The following LY75 variants were observed in gnomAD, a reference collection of about 807,000 sequenced individuals.
LY75 encodes lymphocyte antigen 75.
In LY75, 185 loss-of-function variants were observed where a neutral mutation model predicts 231.7. That is an observed-to-expected ratio of 0.80 (90% CI 0.71 to 0.90). The LOEUF (loss-of-function observed/expected upper bound fraction) is 0.90, where lower values mean the gene tolerates loss of function less well. Ranked by LOEUF, LY75 falls within the 40% of genes least tolerant of loss-of-function variation. The pLI, the probability that LY75 is intolerant of heterozygous loss-of-function variation, is 0.00. For synonymous variants in LY75, 668 were observed against 689.0 expected, an observed-to-expected ratio of 0.97 and a Z score of 0.48; for missense variants, 1,947 against 2,050.2, an observed-to-expected ratio of 0.95 and a Z score of 0.97.
At chr2:159,878,537 ACT>A in intron 10 of LY75, 44 bp from the exon 11 acceptor site, 1 of 1,612,420 alleles carries the variant, frequency 6.2e-7, no homozygotes, top group Non-Finnish European at 8.5e-7. Flanking sequence ...ACAATGATTG[ACT>A]CTATTTGAAG....
At chr2:159,827,178 C>T (rs936993699) in intron 28 of LY75, among the ~76,000 whole-genome samples, 3 of 152,092 alleles carry the variant, frequency 2.0e-5, no homozygotes, top group Admixed American at 1.3e-4. Context: ...AGGCAACATA[C>T]AAAATGAGAG....
chr2:159,810,850 G>T (rs1682939182), intron 31 of LY75, among the ~76,000 whole-genome samples, 175 bp from the exon 32 acceptor site: 1 of 152,064 alleles, frequency 6.6e-6, no homozygotes, highest in South Asian at 2.1e-4. Flanking sequence ...TTAACTTTTT[G>T]GAATACCGTT....
rs35688299 is a variant in LY75 at position 159,824,057 on chromosome 2, CAGCT to C, written c.3959-4141_3959-4138del. ...TGCATCAACTAACATGCAAAACAAT[CAGCT>C]AGCATCATAATGACAGGATCAAATT... On this transcript the variant is annotated intron_variant, in intron 28 of 34. Transcript: ENST00000263636. Among the ~76,000 whole-genome samples, 1,143 of 152,318 alleles carry C rather than the reference CAGCT, an allele frequency of 7.5e-3. 9 individuals are homozygous for C. Among genetic ancestry groups the C allele is most frequent in the Non-Finnish European group, 0.011 (755 of 68,020 alleles).
In LY75 at chr2:159,874,563, T is replaced by TAA. The variant is rs1302373903; in HGVS notation, c.1974+880_1974+881insTT. Among the ~76,000 whole-genome samples the TAA allele has an allele frequency of 6.1e-4, 39 of 63,818 alleles. 5 individuals are homozygous for TAA. Among genetic ancestry groups the TAA allele is most frequent in the African/African-American group, 1.6e-3 (37 of 23,406 alleles). 41.9% of individuals were successfully genotyped at this position (63,818 alleles called of 152,430 possible). On this transcript the variant is annotated intron_variant, in intron 12 of 34. Coordinates refer to ENST00000263636, the MANE Select transcript of LY75 (RefSeq NM_002349.4). ...TAAATATGTACATATTTTGTAAATC[T>TAA]ATATAAATATGTACATATTTTGTAA...
rs186852096 is a variant in LY75 at position 159,897,050 on chromosome 2, C to T, written c.466+1638G>A. On this transcript the variant is annotated intron_variant, in intron 2 of 34. Coordinates refer to ENST00000263636, the MANE Select transcript of LY75 (RefSeq NM_002349.4). ...TTAACCTTTTTTGTGCTACTGATCT[C>T]TTTGGCAGCTGGGTGAAATCCACAG... 6.6e-5 allele frequency among the ~76,000 whole-genome samples: 10 copies of T among 152,250 alleles called. No individual in the cohort carries two copies. The East Asian group carries it at 1.5e-3, about 23-fold the overall frequency.
chr2:159,853,618 G>T lies in LY75; in HGVS notation c.2663+12C>A. ...ATAACTTTACAAAGGTAGAATCAAT[G>T]ATGTCACCTACTATGTAAAATGATC... is the stretch of plus-strand genomic sequence containing the variant. On this transcript the variant is annotated intron_variant, in intron 19 of 34. Transcript: ENST00000263636. The T allele has an allele frequency of 6.2e-7, 1 of 1,613,168 alleles. No individual in the cohort carries two copies. The highest frequency in any genetic ancestry group is 8.5e-7 in the Non-Finnish European group (1 of 1,179,698).
chr2:159,814,480 C>T (rs1030606029), intron 31 of LY75, among the ~76,000 whole-genome samples: 1 of 151,448 alleles, frequency 6.6e-6, no homozygotes, highest in East Asian at 1.9e-4. Flanking sequence ...ATTGTGAGAC[C>T]CTAACTCTAC....
rs1022625905 is a variant in LY75 at position 159,808,238 on chromosome 2, T to C, written c.4822+211A>G. 6.4e-6 allele frequency: 5 copies of C among 780,894 alleles called. No individual in the cohort carries two copies. In the African/African-American group the frequency reaches 7.5e-5, roughly 12 times the overall value. 48.4% of individuals were successfully genotyped at this position (780,894 alleles called of 1,614,324 possible). On this transcript the variant is annotated intron_variant, in intron 33 of 34. Coordinates refer to ENST00000263636, the MANE Select transcript of LY75 (RefSeq NM_002349.4). The stretch of plus-strand genomic sequence containing the variant: ...GATTCCACTTTATTTAACAGGATTT[T>C]CTGTGTCATTAGTGGTTTCCGTCAT...
chr2:159,890,869 A>C (rs1286418805), intron 3 of LY75, among the ~76,000 whole-genome samples: 1 of 152,106 alleles, frequency 6.6e-6, no homozygotes, highest in Non-Finnish European at 1.5e-5. Context: ...CTATGTCCAA[A>C]TTTCTCCTTA....
chr2:159,885,801 G>A (rs553220064), intron 5 of LY75, among the ~76,000 whole-genome samples: 1 of 152,228 alleles, frequency 6.6e-6, no homozygotes, highest in South Asian at 2.1e-4. Flanking sequence ...CCTACTATGT[G>A]TGCAGGCAGC....
At chr2:159,870,822 A>T (rs1329240798) in intron 13 of LY75, among the ~76,000 whole-genome samples, 2 of 151,986 alleles carry the variant, frequency 1.3e-5, no homozygotes, top group Non-Finnish European at 2.9e-5. Flanking sequence ...CATAGAAAAG[A>T]CTTTAAAAAT....
chr2:159,826,168 C>T (rs916034640), intron 28 of LY75, among the ~76,000 whole-genome samples: 1 of 152,176 alleles, frequency 6.6e-6, no homozygotes, highest in Non-Finnish European at 1.5e-5. Flanking sequence ...GTCAAATTGT[C>T]TCTGTTTGCA....
chr2:159,817,054 G>C, intron 29 of LY75, 22 bp from the exon 30 acceptor site: 1 of 1,551,378 alleles, frequency 6.4e-7, no homozygotes, highest in Non-Finnish European at 8.7e-7. Context: ...AAAAGCACTG[G>C]TGATTAAAAT....
At position 159,842,356 on chromosome 2, in the gene LY75, GA is replaced by G; in HGVS notation, c.3168del (p.Arg1057AlafsTer6). On this transcript the variant is annotated frameshift_variant, in exon 24 of 35. Transcript: ENST00000263636. LOFTEE classifies it high-confidence loss of function. ...TTGAGTATTAGGGCACAGTGGTAGC[GA>G]GACTCTTCCTCAAAAAACTAAACAA... ...RIPENFFEEE[S>X]RYHCALILNL... is the part of the protein sequence containing the mutation. The G allele has an allele frequency of 6.2e-7, 1 of 1,610,156 alleles. No individual in the cohort carries two copies. The highest frequency in any genetic ancestry group is 8.5e-7 in the Non-Finnish European group (1 of 1,177,822).
chr2:159,893,451 A>G (rs1685818298), intron 3 of LY75, among the ~76,000 whole-genome samples: 1 of 152,192 alleles, frequency 6.6e-6, no homozygotes, highest in African/African-American at 2.4e-5. Flanking sequence ...TAGAATTGCA[A>G]TAAAGCCAAA....
intron 25 of LY75, among the ~76,000 whole-genome samples, chr2:159,835,950 G>T (rs6750782): frequency 0.66 from 100,153 of 151,964 alleles, 33,417 homozygotes; most frequent in Admixed American, 0.72. Flanking sequence ...TTTCTGCCAG[G>T]CTGTCGATCC....
chr2:159,847,256 C>T (rs921749652), intron 23 of LY75, among the ~76,000 whole-genome samples: 9 of 152,128 alleles, frequency 5.9e-5, no homozygotes, highest in Admixed American at 3.3e-4. Context: ...TCAGGCAATC[C>T]GCCCACCTTG....
chr2:159,856,125 G>C (rs550536792), intron 16 of LY75, among the ~76,000 whole-genome samples: 1 of 152,288 alleles, frequency 6.6e-6, no homozygotes, highest in South Asian at 2.1e-4. Context: ...TTAAATTAGT[G>C]AGAAAAGTAG....
At chr2:159,863,983 G>T (rs1560088025) in intron 14 of LY75, among the ~76,000 whole-genome samples, 1 of 152,148 alleles carries the variant, frequency 6.6e-6, no homozygotes, top group Non-Finnish European at 1.5e-5. Context: ...GCAATATAAA[G>T]CCTAGATGTG....
Sources: gnomAD v4.1 joint callset for allele counts (sites outside exome capture counted in the v4.1 genomes callset) on GRCh38, gnomAD v4.1.1 for gene constraint, MANE v1.5 for transcripts, NCBI Gene and HGNC (gene_info 2026-07-23, HGNC 2026-07-21) for gene names.